ZCCHC14: variants seen among roughly 807,000 people sequenced by gnomAD.
The protein encoded by ZCCHC14 is zinc finger CCHC domain-containing protein 14.
In ZCCHC14, 16 loss-of-function variants were observed where a neutral mutation model predicts 85.0. That is an observed-to-expected ratio of 0.19 (90% CI 0.13 to 0.29). ZCCHC14 has a LOEUF of 0.29. Among genes scored for constraint, ZCCHC14 ranks in the 10% least tolerant of loss-of-function variants. ZCCHC14 has a pLI of 1.00. For synonymous variants in ZCCHC14, 775 were observed against 630.7 expected (o/e 1.23, Z -3.43); for missense variants, 1,303 against 1,443.5 (o/e 0.90, Z 1.58).
chr16:87,474,654 C>A (rs73242726), intron 1 of ZCCHC14, among the ~76,000 whole-genome samples: 1 of 152,184 alleles, frequency 6.6e-6, no homozygotes, highest in African/African-American at 2.4e-5. Flanking sequence ...AGAACCTGGT[C>A]CTCCTCAGAG....
intron 3 of ZCCHC14, among the ~76,000 whole-genome samples, chr16:87,426,376 G>T (rs1057012376): frequency 5.9e-5 from 9 of 152,220 alleles, no homozygotes. Context: ...AAGAAAAAGT[G>T]TTGCCAATTA....
intron 2 of ZCCHC14, among the ~76,000 whole-genome samples, chr16:87,435,334 G>T (rs1244801267): frequency 4.6e-5 from 7 of 152,158 alleles, no homozygotes; most frequent in Non-Finnish European, 8.8e-5. Context: ...TGCAGCCATG[G>T]GAGGCTAGTG....
intron 2 of ZCCHC14, among the ~76,000 whole-genome samples, chr16:87,443,177 G>C (rs1409129704): frequency 6.6e-6 from 1 of 152,214 alleles, no homozygotes; most frequent in Non-Finnish European, 1.5e-5. Flanking sequence ...GATGCCTGCG[G>C]ATAGAATTCC....
At chr16:87,446,178 A>AG (rs1910428569) in intron 2 of ZCCHC14, among the ~76,000 whole-genome samples, 1 of 151,882 alleles carries the variant, frequency 6.6e-6, no homozygotes, top group African/African-American at 2.4e-5. Context: ...AAAAAAAAAA[A>AG]AAAAAAGACT....
At chr16:87,435,524 G>A (rs1909879511) in intron 2 of ZCCHC14, among the ~76,000 whole-genome samples, 2 of 152,234 alleles carry the variant, frequency 1.3e-5, no homozygotes, top group Non-Finnish European at 2.9e-5. Flanking sequence ...CAACGACACT[G>A]ACTCCCTGTA....
intron 1 of ZCCHC14, chr16:87,467,683 GCT>G (rs1211895901): frequency 2.5e-6 from 2 of 795,986 alleles, no homozygotes; most frequent in Non-Finnish European, 4.4e-6. Context: ...ATGGAGTCTC[GCT>G]CTGTCGCCCA....
rs548682106 is a variant in ZCCHC14 at position 87,491,145 on chromosome 16, C to G, written c.570+524G>C. Reference sequence around the variant, plus strand: ...GACAAAGGCCTTATCGCGTTTGCAGCCGGCTAAGTGAAAGGAGGGCACCTG... The same window carrying G: ...GACAAAGGCCTTATCGCGTTTGCAGGCGGCTAAGTGAAAGGAGGGCACCTG... On this transcript the variant is annotated intron_variant, in intron 1 of 12. Transcript: ENST00000671377. This position sits in a 1 kb window ranked among gnomAD's most constrained non-coding sequence, Gnocchi z 5.9. 1.3e-5 allele frequency among the ~76,000 whole-genome samples: 2 copies of G among 152,376 alleles called. No homozygotes were observed. The highest frequency in any genetic ancestry group is 4.8e-5 in the African/African-American group (2 of 41,594).
rs1167253398 is a variant in ZCCHC14 at position 87,491,297 on chromosome 16, G to A, written c.570+372C>T. Among the ~76,000 whole-genome samples, 1 of 152,228 alleles carries A rather than the reference G, an allele frequency of 6.6e-6. No homozygotes were observed. The highest frequency in any genetic ancestry group is 1.9e-4 in the East Asian group (1 of 5,184). On this transcript the variant is annotated intron_variant, in intron 1 of 12. Transcript: ENST00000671377. This position sits in a 1 kb window ranked among gnomAD's most constrained non-coding sequence, Gnocchi z 5.9. ...GTGTGGAGGCTTTGGGGCACGCAGA[G>A]GGGACTGAGGGTGTGGGCTCAGGGC...
Position 87,406,743 on chromosome 16 carries a change from T to C in ZCCHC14, c.*3537A>G, listed in dbSNP as rs899858836. On this transcript the variant is annotated 3_prime_UTR_variant, in exon 13 of 13. Coordinates refer to ENST00000671377, the MANE Select transcript of ZCCHC14 (RefSeq NM_015144.3). ...GCACAGTATATGGTTTTCTAGAATATTGCGAGTGTTGAGTGTTGATTAAAG... is the reference window on the plus strand; with the variant it reads ...GCACAGTATATGGTTTTCTAGAATACTGCGAGTGTTGAGTGTTGATTAAAG... The C allele has an allele frequency of 2.6e-5, 4 of 152,350 alleles. No individual in the cohort carries two copies. Among genetic ancestry groups the C allele is most frequent in the Non-Finnish European group, 4.4e-5 (3 of 68,030 alleles). 9.4% of individuals were successfully genotyped at this position (152,350 alleles called of 1,614,324 possible).
Position 87,491,704 on chromosome 16 carries a change from C to G in ZCCHC14, c.535G>C (p.Gly179Arg). ...GCTGGGCAAGTGGGCAGCGCGCCGC[C>G]CGGCCCGGGCGCGCCCTTGCCGCCG... ...GHGGKGAPGP[G>R]GALPTCPACH... The change falls in exon 1 of 13, where the codon GGC (glycine) becomes CGC (arginine). Residue 179 changes from glycine to arginine, a missense_variant. This residue lies in a region of ZCCHC14 where 389 missense variants were observed against 397.8 expected (regional missense o/e 0.98). Transcript: ENST00000671377. This position sits in a 1 kb window ranked among gnomAD's most constrained non-coding sequence, Gnocchi z 5.9. 1 of 1,482,662 alleles carries G rather than the reference C, an allele frequency of 6.7e-7. No individual in the cohort carries two copies. Among genetic ancestry groups the G allele is most frequent in the Middle Eastern group, 2.4e-4 (1 of 4,120 alleles). The allele number at this position is 1,482,662 out of a possible 1,614,324, so 91.8% of individuals were successfully genotyped here.
intron 12 of ZCCHC14, 132 bp from the exon 13 acceptor site, chr16:87,410,467 C>T (rs1597395246): frequency 1.3e-5 from 7 of 546,156 alleles, no homozygotes; most frequent in Admixed American, 9.9e-5. Flanking sequence ...CCATCCTGAC[C>T]GTTTCTACTC....
chr16:87,426,718 G>A (rs550036774), intron 3 of ZCCHC14, among the ~76,000 whole-genome samples: 15 of 152,356 alleles, frequency 9.8e-5, no homozygotes, highest in African/African-American at 3.6e-4. Flanking sequence ...GACCTTTGGA[G>A]ACCCCTGAGG....
intron 2 of ZCCHC14, among the ~76,000 whole-genome samples, chr16:87,441,085 G>C (rs1409771364): frequency 1.3e-5 from 2 of 150,578 alleles, no homozygotes; most frequent in Non-Finnish European, 2.9e-5. Flanking sequence ...CTCACTGCAA[G>C]CTCCGCCTCC....
intron 2 of ZCCHC14, among the ~76,000 whole-genome samples, chr16:87,458,243 C>A (rs1010422775): frequency 1.3e-5 from 2 of 152,178 alleles, no homozygotes; most frequent in Non-Finnish European, 2.9e-5. Context: ...CGGCACTCCA[C>A]GGCAGGCCTT....
At chr16:87,468,968 G>A (rs1354332607) in intron 1 of ZCCHC14, among the ~76,000 whole-genome samples, 3 of 152,246 alleles carry the variant, frequency 2.0e-5, no homozygotes, top group African/African-American at 7.2e-5. Context: ...GCCAGGTCTA[G>A]ACATCTTTAA....
chr16:87,423,890 C>T lies in ZCCHC14; in HGVS notation c.769-9G>A, dbSNP rs1567514959. On this transcript the variant is annotated splice_polypyrimidine_tract_variant and intron_variant, in intron 3 of 12. Transcript: ENST00000671377. Reference sequence around the variant, plus strand: ...GAATCAGACCACAAGACCTTAAAAACAAACAAACAAACAAACCTTAGAAAC... The same window carrying T: ...GAATCAGACCACAAGACCTTAAAAATAAACAAACAAACAAACCTTAGAAAC... 2 of 1,609,386 alleles carry T rather than the reference C, an allele frequency of 1.2e-6. No homozygotes were observed. Among genetic ancestry groups the T allele is most frequent in the Admixed American group, 3.4e-5 (2 of 59,658 alleles).
At chr16:87,468,827 G>T (rs1286913850) in intron 1 of ZCCHC14, among the ~76,000 whole-genome samples, 2 of 152,218 alleles carry the variant, frequency 1.3e-5, no homozygotes, top group Non-Finnish European at 1.5e-5. Flanking sequence ...GAGCAAGGAA[G>T]TACCTGCCCG....
chr16:87,458,951 A>G (rs955036288), intron 2 of ZCCHC14, among the ~76,000 whole-genome samples: 1 of 152,052 alleles, frequency 6.6e-6, no homozygotes, highest in Non-Finnish European at 1.5e-5. Flanking sequence ...ACAAGCATTT[A>G]TTTTACCGGG....
intron 2 of ZCCHC14, among the ~76,000 whole-genome samples, chr16:87,433,678 T>G (rs1234205375): frequency 1.3e-5 from 2 of 152,152 alleles, no homozygotes; most frequent in African/African-American, 2.4e-5. Flanking sequence ...TTTTTTCTTT[T>G]TTTTTTGAGA....
Sources: gnomAD v4.1 joint callset for allele counts (sites outside exome capture counted in the v4.1 genomes callset) on GRCh38, gnomAD v4.1.1 for gene constraint, gnomAD v4.1.1 regional missense constraint, Gnocchi (gnomAD v3.1) non-coding constraint, MANE v1.5 for transcripts, NCBI Gene and HGNC (gene_info 2026-07-23, HGNC 2026-07-21) for gene names.